The following TRIM8 variants were observed in gnomAD, a reference collection of about 807,000 sequenced individuals.
TRIM8 encodes tripartite motif containing 8.
TRIM8 carries 9 observed loss-of-function variants against 55.7 expected under a neutral mutation model. The ratio of observed to expected loss-of-function variants is 0.16; its 90% confidence interval spans 0.10 to 0.28. The LOEUF is 0.28. Ranked by LOEUF, TRIM8 falls within the 10% of genes least tolerant of loss-of-function variation. The probability of loss-of-function intolerance (pLI) is 1.00; values close to 1 mark genes in which losing one functional copy is unlikely to be tolerated. For synonymous variants in TRIM8, 335 were observed against 333.3 expected (o/e 1.01, Z -0.06); for missense variants, 556 against 736.4 (o/e 0.76, Z 2.83).
Position 102,655,172 on chromosome 10 carries a change from C to T in TRIM8, c.759C>T (p.Val253=). Residue 253 remains valine (V), a synonymous_variant, in exon 3 of 6, where the codon GTC becomes GTT. Transcript: ENST00000643721. ...LDEDLRQTVE[V]LDKAQAKFCS... ...AGGACCTGCGGCAGACAGTGGAGGTCCTAGACAAGGCCCAGGCCAAGTTCT... is the reference window on the plus strand; with the variant it reads ...AGGACCTGCGGCAGACAGTGGAGGTTCTAGACAAGGCCCAGGCCAAGTTCT... The T allele has an allele frequency of 6.2e-7, 1 of 1,611,620 alleles. No individual in the cohort carries two copies.
chr10:102,647,240 G>A (rs541692604), intron 1 of TRIM8, among the ~76,000 whole-genome samples: 65 of 152,296 alleles, frequency 4.3e-4, no homozygotes, highest in Admixed American at 1.1e-3. Context: ...GTGCGTGTGT[G>A]CGTGTGTGTG....
chr10:102,655,959 CCCCTA>C (rs2064019799), intron 3 of TRIM8, 142 bp from the exon 4 acceptor site: 1 of 1,175,646 alleles, frequency 8.5e-7, no homozygotes, highest in South Asian at 1.3e-5. Flanking sequence ...CAAATGGCCA[CCCCTA>C]CCCCTGCCAC....
intron 1 of TRIM8, among the ~76,000 whole-genome samples, chr10:102,653,042 G>T (rs11812273): frequency 0.02 from 3,113 of 152,254 alleles, 104 homozygotes; most frequent in African/African-American, 0.071. Flanking sequence ...CAGGTGATCC[G>T]CCTGCCTCGG....
In TRIM8 at chr10:102,654,570, G is replaced by A. The variant is rs998538868; in HGVS notation, c.571-83G>A. On this transcript the variant is annotated intron_variant, in intron 1 of 5. Coordinates refer to ENST00000643721, the MANE Select transcript of TRIM8 (RefSeq NM_030912.3). ...TGCCATCGGGTCAAAGGATCCATAGGATGCATGTGTTGTGTAGAGGGAAGC... is the reference window on the plus strand; with the variant it reads ...TGCCATCGGGTCAAAGGATCCATAGAATGCATGTGTTGTGTAGAGGGAAGC... The A allele has an allele frequency of 1.4e-5, 15 of 1,071,030 alleles. No individual in the cohort carries two copies. The African/African-American group carries it at 2.2e-4, about 15-fold the overall frequency. The allele number at this position is 1,071,030 out of a possible 1,614,324, so 66.3% of individuals were successfully genotyped here.
chr10:102,656,001 C>T lies in TRIM8; in HGVS notation c.901-105C>T. ...TTCTGTCCAGAATGAGAGGATCCACCCAGCCTGGGGGAGGCTCAGGGGGGG... is the reference window on the plus strand; with the variant it reads ...TTCTGTCCAGAATGAGAGGATCCACTCAGCCTGGGGGAGGCTCAGGGGGGG... On this transcript the variant is annotated intron_variant, in intron 3 of 5. Coordinates refer to ENST00000643721, the MANE Select transcript of TRIM8 (RefSeq NM_030912.3). This position sits in a 1 kb window ranked among gnomAD's most constrained non-coding sequence, Gnocchi z 4.6. 6.5e-7 allele frequency: 1 copy of T among 1,549,776 alleles called. No homozygotes were observed. Among genetic ancestry groups the T allele is most frequent in the Non-Finnish European group, 8.9e-7 (1 of 1,122,726 alleles).
rs372264167 is a variant in TRIM8, at chr10:102,657,381, G to C, written c.*27G>C. On this transcript the variant is annotated 3_prime_UTR_variant, in exon 6 of 6. Coordinates refer to ENST00000643721, the MANE Select transcript of TRIM8 (RefSeq NM_030912.3). Reference sequence around the variant, plus strand: ...GCCACGCAGGCGGCGGGGCGCTGGGGAATCTTCCTCCCCAGCCCCCGGGCT... The same window carrying C: ...GCCACGCAGGCGGCGGGGCGCTGGGCAATCTTCCTCCCCAGCCCCCGGGCT... 6 of 1,529,780 alleles carry C rather than the reference G, an allele frequency of 3.9e-6. No homozygotes were observed. Among genetic ancestry groups the C allele is most frequent in the Non-Finnish European group, 5.3e-6 (6 of 1,136,840 alleles). 94.8% of individuals were successfully genotyped at this position (1,529,780 alleles called of 1,614,324 possible).
chr10:102,657,527 T>G lies in TRIM8; in HGVS notation c.*173T>G. 1 of 844,658 alleles carries G rather than the reference T, an allele frequency of 1.2e-6. No individual in the cohort carries two copies. The allele number at this position is 844,658 out of a possible 1,614,324, so 52.3% of individuals were successfully genotyped here. On this transcript the variant is annotated 3_prime_UTR_variant, in exon 6 of 6. Transcript: ENST00000643721. ...TTGGTTTTGGCTTTGTTTTTGATTT[T>G]TTTTTATTATGAATCTCCTGGACGC...
chr10:102,647,638 C>A (rs1387278595), intron 1 of TRIM8, among the ~76,000 whole-genome samples: 3 of 152,148 alleles, frequency 2.0e-5, no homozygotes, highest in Admixed American at 2.0e-4. Flanking sequence ...GGCCCCTTTT[C>A]TCTTCCCGGA....
intron 1 of TRIM8, among the ~76,000 whole-genome samples, chr10:102,647,621 C>T (rs1364623584): frequency 1.3e-5 from 2 of 152,124 alleles, no homozygotes; most frequent in Admixed American, 6.5e-5. Flanking sequence ...GTGGAGCGCT[C>T]TTCCTTGGCC....
intron 1 of TRIM8, among the ~76,000 whole-genome samples, chr10:102,650,581 C>T (rs894017147): frequency 2.0e-5 from 3 of 152,202 alleles, no homozygotes; most frequent in African/African-American, 7.2e-5. Context: ...CTCTGCTCTG[C>T]TCCTGCATGC....
intron 1 of TRIM8, among the ~76,000 whole-genome samples, chr10:102,647,023 T>C (rs1275125254): frequency 1.3e-5 from 2 of 152,144 alleles, no homozygotes; most frequent in Admixed American, 1.3e-4. Context: ...GTGTCTGTGT[T>C]TTTGAATGTC....
Position 102,644,974 on chromosome 10 carries a change from G to A in TRIM8, c.357G>A (p.Val119=), listed in dbSNP as rs767650424. ...RCEAPCCQSH[V]QTHLQQPSTA... ...AGGCGCCCTGCTGCCAGTCCCACGT[G>A]CAGACGCACCTGCAGCAGCCCTCCA... The change falls in exon 1 of 6, where the codon GTG becomes GTA. Residue 119 remains valine, a synonymous_variant. Transcript: ENST00000643721. The A allele has an allele frequency of 4.4e-6, 7 of 1,598,816 alleles. No individual in the cohort carries two copies. In the African/African-American group the frequency reaches 6.7e-5, roughly 15 times the overall value.
At chr10:102,650,721 T>C (rs929108601) in intron 1 of TRIM8, among the ~76,000 whole-genome samples, 1 of 152,128 alleles carries the variant, frequency 6.6e-6, no homozygotes, top group Non-Finnish European at 1.5e-5. Flanking sequence ...TCTGGTCGGA[T>C]CTCAGCTATG....
intron 1 of TRIM8, 37 bp downstream of exon 1, chr10:102,645,224 C>CACAG (rs920260984): frequency 5.4e-6 from 8 of 1,482,576 alleles, no homozygotes; most frequent in Non-Finnish European, 7.1e-6. Flanking sequence ...CACACACACA[C>CACAG]ACAGACACAC....
chr10:102,645,269 T>G, intron 1 of TRIM8, 82 bp downstream of exon 1: 2 of 1,367,186 alleles, frequency 1.5e-6, no homozygotes, highest in Non-Finnish European at 1.9e-6. Context: ...GGACCACCCA[T>G]CCCGACAGGC....
Position 102,657,160 on chromosome 10 carries a change from C to G in TRIM8, c.1462C>G (p.Pro488Ala). 6.2e-7 allele frequency: 1 copy of G among 1,613,888 alleles called. No individual in the cohort carries two copies. The highest frequency in any genetic ancestry group is 8.5e-7 in the Non-Finnish European group (1 of 1,179,976). The change falls in exon 6 of 6, where the codon CCC becomes GCC. Residue 488 changes from proline (P) to alanine (A), a missense_variant. Physicochemically the swap from Pro to Ala is conservative, Grantham distance 27. This residue lies in a region of TRIM8 where 391 missense variants were observed against 441.0 expected (regional missense o/e 0.89). Transcript: ENST00000643721. ...VANHGGHQPY[P>A]RSGHFPWTVP... The stretch of plus-strand genomic sequence containing the variant: ...CAACCATGGCGGCCACCAGCCCTAC[C>G]CCCGCTCCGGCCACTTTCCCTGGAC...
rs755033812 is a variant in TRIM8, at chr10:102,645,198, TACGCGCGCGCGCGCACACACACAC to T, written c.570+14_570+37del. On this transcript the variant is annotated intron_variant, in intron 1 of 5. Coordinates refer to ENST00000643721, the MANE Select transcript of TRIM8 (RefSeq NM_030912.3). ...AGGAATGAAATCCGGGCAAGTACCC[TACGCGCGCGCGCGCACACACACAC>T]ACACAGACACACAGTCCCTTCCTCT... The T allele has an allele frequency of 6.6e-7, 1 of 1,523,906 alleles. No homozygotes were observed. Among genetic ancestry groups the T allele is most frequent in the Non-Finnish European group, 8.8e-7 (1 of 1,142,802 alleles). The allele number at this position is 1,523,906 out of a possible 1,614,324, so 94.4% of individuals were successfully genotyped here.
rs1432149798 is a variant in TRIM8 at position 102,645,097 on chromosome 10, G to A, written c.480G>A (p.Gln160=). The change falls in exon 1 of 6, where the codon CAG becomes CAA. Residue 160 remains glutamine (Q), a synonymous_variant. Transcript: ENST00000643721. ...GCCTCTACCACTGCGAGGCCGAGCAGGTGGCCGTGTGCCAGTACTGCTGCT... is the reference window on the plus strand; with the variant it reads ...GCCTCTACCACTGCGAGGCCGAGCAAGTGGCCGTGTGCCAGTACTGCTGCT... The part of the protein sequence containing the change: ...AYRLYHCEAE[Q]VAVCQYCCYY... 1.3e-6 allele frequency: 2 copies of A among 1,595,524 alleles called. No homozygotes were observed. The highest frequency in any genetic ancestry group is 1.7e-6 in the Non-Finnish European group (2 of 1,178,524).
At position 102,644,979 on chromosome 10, in the gene TRIM8, C is replaced by A; in HGVS notation, c.362C>A (p.Thr121Lys). The A allele has an allele frequency of 6.3e-7, 1 of 1,598,940 alleles. No individual in the cohort carries two copies. Among genetic ancestry groups the A allele is most frequent in the Non-Finnish European group, 8.5e-7 (1 of 1,174,718 alleles). The change falls in exon 1 of 6, where the codon ACG becomes AAG. Residue 121 changes from threonine to lysine, a missense_variant. Physicochemically the swap from Thr to Lys is moderately conservative, Grantham distance 78. Around this residue, in one of 2 missense-constraint regions of TRIM8, gnomAD observed 165 missense variants for 295.3 expected, o/e 0.56. Transcript: ENST00000643721. ...CCCTGCTGCCAGTCCCACGTGCAGA[C>A]GCACCTGCAGCAGCCCTCCACCGCC... ...EAPCCQSHVQTHLQQPSTARG... is the reference protein window; with the variant it reads ...EAPCCQSHVQKHLQQPSTARG...
Sources: gnomAD v4.1 joint callset for allele counts (sites outside exome capture counted in the v4.1 genomes callset) on GRCh38, gnomAD v4.1.1 for gene constraint, gnomAD v4.1.1 regional missense constraint, Gnocchi (gnomAD v3.1) non-coding constraint, MANE v1.5 for transcripts, NCBI Gene and HGNC (gene_info 2026-07-23, HGNC 2026-07-21) for gene names.